CSNK1A1: variants seen among roughly 807,000 people sequenced by gnomAD.
The protein encoded by CSNK1A1 is casein kinase 1 alpha 1, also known as casein kinase I isoform alpha.
In CSNK1A1, 7 loss-of-function variants were observed where a neutral mutation model predicts 46.1. The observed-to-expected ratio is 0.15, with a 90% confidence interval of 0.09 to 0.29. CSNK1A1 has a LOEUF of 0.29. Ranked by LOEUF, CSNK1A1 falls within the 10% of genes least tolerant of loss-of-function variation. The pLI, the probability that CSNK1A1 is intolerant of heterozygous loss-of-function variation, is 1.00. For synonymous variants in CSNK1A1, 137 were observed against 141.5 expected (o/e 0.97, Z 0.23); for missense variants, 96 against 417.1 (o/e 0.23, Z 6.71).
Position 149,517,467 on chromosome 5 carries a change from G to C in CSNK1A1, c.456+2823C>G, listed in dbSNP as rs905872986. On this transcript the variant is annotated intron_variant, in intron 4 of 9. Coordinates refer to ENST00000377843, the MANE Select transcript of CSNK1A1 (RefSeq NM_001892.6). This position sits in a 1 kb window ranked among gnomAD's most constrained non-coding sequence, Gnocchi z 4.4. Reference sequence around the variant, plus strand: ...TCCAAATAAATTTTTAAAAACTAACGATCTATCTCAAGTTTACTATTAGGT... The same window carrying C: ...TCCAAATAAATTTTTAAAAACTAACCATCTATCTCAAGTTTACTATTAGGT... Among the ~76,000 whole-genome samples, 1 of 152,064 alleles carries C rather than the reference G, an allele frequency of 6.6e-6. No homozygotes were observed. The highest frequency in any genetic ancestry group is 1.5e-5 in the Non-Finnish European group (1 of 68,000).
At chr5:149,497,681 C>T (rs1760696650) in intron 9 of CSNK1A1, 6 of 985,520 alleles carry the variant, frequency 6.1e-6, no homozygotes, top group Non-Finnish European at 4.8e-6. Context: ...TTTCCTCTCA[C>T]CAGACACCCA....
chr5:149,525,030 C>A lies in CSNK1A1; in HGVS notation c.357+15G>T, dbSNP rs1226818919. The A allele has an allele frequency of 3.1e-6, 5 of 1,599,968 alleles. No individual in the cohort carries two copies. The highest frequency in any genetic ancestry group is 3.4e-6 in the Non-Finnish European group (4 of 1,174,298). ...TACTAGTCTCAGTTTATATTCTAATCAAAATTTCACATACCTGGTCAGCTA... is the reference window on the plus strand; with the variant it reads ...TACTAGTCTCAGTTTATATTCTAATAAAAATTTCACATACCTGGTCAGCTA... On this transcript the variant is annotated intron_variant, in intron 3 of 9. Transcript: ENST00000377843. The surrounding 1 kb of genome is among the most constrained non-coding windows in gnomAD (Gnocchi z 4.2).
chr5:149,533,356 T>C (rs1043654485), intron 2 of CSNK1A1, among the ~76,000 whole-genome samples: 1 of 152,116 alleles, frequency 6.6e-6, no homozygotes, highest in Non-Finnish European at 1.5e-5. Context: ...ATCTGATCTT[T>C]TTTTTTAAGG....
At chr5:149,520,439 C>A in intron 3 of CSNK1A1, 51 bp from the exon 4 acceptor site, 1 of 1,014,368 alleles carries the variant, frequency 9.9e-7, no homozygotes, top group Admixed American at 1.9e-5. Flanking sequence ...AAATGAAAAT[C>A]AACACATTTC....
intron 2 of CSNK1A1, among the ~76,000 whole-genome samples, chr5:149,530,742 C>A (rs1216468930): frequency 1.3e-5 from 2 of 151,886 alleles, no homozygotes; most frequent in East Asian, 1.9e-4. Flanking sequence ...CCGAGGCGGG[C>A]GGATCATGAG....
chr5:149,550,725 A>G lies in CSNK1A1; in HGVS notation c.123+117T>C. On this transcript the variant is annotated intron_variant, in intron 1 of 9. Coordinates refer to ENST00000377843, the MANE Select transcript of CSNK1A1 (RefSeq NM_001892.6). This position sits in a 1 kb window ranked among gnomAD's most constrained non-coding sequence, Gnocchi z 4.3. ...TAAGCCAGGAAAACTAGCTCCCTGG[A>G]CTCCCTGGCGAGTGCGTGCGATGAG... The G allele has an allele frequency of 2.1e-6, 3 of 1,413,694 alleles. No individual in the cohort carries two copies. The highest frequency in any genetic ancestry group is 2.9e-6 in the Non-Finnish European group (3 of 1,037,432). The allele number at this position is 1,413,694 out of a possible 1,614,324, so 87.6% of individuals were successfully genotyped here.
chr5:149,510,405 G>C (rs566098059), intron 6 of CSNK1A1, among the ~76,000 whole-genome samples: 1 of 152,074 alleles, frequency 6.6e-6, no homozygotes, highest in African/African-American at 2.4e-5. Context: ...AAGTAGCTGG[G>C]ACTACAGGTG....
chr5:149,510,584 T>A (rs1051014524), intron 6 of CSNK1A1, among the ~76,000 whole-genome samples: 1 of 152,018 alleles, frequency 6.6e-6, no homozygotes, highest in African/African-American at 2.4e-5. Context: ...CTCAAAGCAA[T>A]CCTCCCGGCT....
intron 5 of CSNK1A1, among the ~76,000 whole-genome samples, chr5:149,512,836 C>T (rs1181539022): frequency 6.6e-6 from 1 of 152,172 alleles, no homozygotes; most frequent in East Asian, 1.9e-4. Context: ...AACTTTCTAT[C>T]ACGCAGTATT....
chr5:149,528,976 A>AT (rs985466409), intron 2 of CSNK1A1, among the ~76,000 whole-genome samples: 1 of 152,204 alleles, frequency 6.6e-6, no homozygotes, highest in East Asian at 1.9e-4. Flanking sequence ...ACCTTTAGAC[A>AT]TTTTTAAGTA....
chr5:149,542,942 G>A (rs531817436), intron 2 of CSNK1A1, among the ~76,000 whole-genome samples: 4 of 151,464 alleles, frequency 2.6e-5, no homozygotes, highest in East Asian at 1.9e-4. Context: ...TGATCCGCCC[G>A]TCTTGGCCTC....
intron 3 of CSNK1A1, among the ~76,000 whole-genome samples, chr5:149,521,910 T>C (rs906888404): frequency 4.6e-5 from 7 of 152,086 alleles, no homozygotes; most frequent in African/African-American, 1.4e-4. Context: ...GCCTGGCCCT[T>C]CTATGAGGAT....
chr5:149,502,584 G>A, intron 9 of CSNK1A1: 1 of 660,626 alleles, frequency 1.5e-6, no homozygotes, highest in Non-Finnish European at 1.9e-6. Context: ...ATGTGGCCCA[G>A]GCAAGTCTAG....
intron 9 of CSNK1A1, chr5:149,502,146 C>G (rs1760878334): frequency 1.0e-6 from 1 of 967,240 alleles, no homozygotes; most frequent in Non-Finnish European, 1.2e-6. Context: ...GTTATTAAAA[C>G]AACACCATTT....
chr5:149,535,673 A>G (rs1360594573), intron 2 of CSNK1A1, among the ~76,000 whole-genome samples: 1 of 151,960 alleles, frequency 6.6e-6, no homozygotes, highest in East Asian at 1.9e-4. Flanking sequence ...ATGGAGTCTC[A>G]CTGTTGCCCA....
chr5:149,509,901 G>A lies in CSNK1A1; in HGVS notation c.728C>T (p.Thr243Met), dbSNP rs1331516795. The A allele has an allele frequency of 6.2e-7, 1 of 1,610,212 alleles. No individual in the cohort carries two copies. The highest frequency in any genetic ancestry group is 8.5e-7 in the Non-Finnish European group (1 of 1,178,052). The change falls in exon 7 of 10, where the codon ACG becomes ATG. Residue 243 changes from threonine to methionine, a missense_variant. Physicochemically the swap from Thr to Met is moderately conservative, Grantham distance 81. Transcript: ENST00000377843. ...TACCTTACATAAAACTTCAACAGGC[G>A]TGGACATCTTCTTTTCACTAATCTT... ...YEKISEKKMS[T>M]PVEVLCKGFP...
At chr5:149,499,977 T>A (rs1760780042) in intron 9 of CSNK1A1, among the ~76,000 whole-genome samples, 1 of 138,904 alleles carries the variant, frequency 7.2e-6, no homozygotes, top group South Asian at 2.4e-4. Flanking sequence ...CTTTTTTTTT[T>A]TTTTTTTTTG....
intron 9 of CSNK1A1, chr5:149,503,644 A>C (rs1325533701): frequency 5.1e-6 from 5 of 985,300 alleles, no homozygotes; most frequent in East Asian, 1.1e-4. Context: ...GTTTAATTAC[A>C]GTTCTTTCCC....
chr5:149,502,404 G>T, intron 9 of CSNK1A1: 1 of 668,890 alleles, frequency 1.5e-6, no homozygotes, highest in Non-Finnish European at 1.8e-6. Context: ...GCAGTGGCAT[G>T]ATCACAGCTC....
Sources: allele counts gnomAD v4.1 joint callset (sites outside exome capture counted in the v4.1 genomes callset), GRCh38; gene constraint gnomAD v4.1.1; non-coding constraint Gnocchi (gnomAD v3.1); transcripts MANE v1.5; gene names NCBI Gene and HGNC (gene_info 2026-07-23, HGNC 2026-07-21).